The following SMARCC1 variants were observed in gnomAD, a reference collection of about 807,000 sequenced individuals.
The protein encoded by SMARCC1 is SWI/SNF related BAF chromatin remodeling complex subunit C1.
SMARCC1 carries 43 observed loss-of-function variants against 147.4 expected under a neutral mutation model. That is an observed-to-expected ratio of 0.29 (90% CI 0.23 to 0.38). The LOEUF is 0.38. Among genes scored for constraint, SMARCC1 ranks in the 10% least tolerant of loss-of-function variants. The probability of loss-of-function intolerance (pLI) is 1.00; values close to 1 mark genes in which losing one functional copy is unlikely to be tolerated. For missense variants in SMARCC1, 1,119 were observed against 1,381.1 expected (o/e 0.81, Z 3.01); for synonymous variants, 495 against 484.4 (o/e 1.02, Z -0.29).
chr3:47,778,212 A>AAAAAAC lies in SMARCC1; in HGVS notation c.195+3390_195+3391insGTTTTT, dbSNP rs1553693293. On this transcript the variant is annotated intron_variant, in intron 1 of 27. Transcript: ENST00000254480. ...TCTCAAAAAAAAAAAACAAAAAACAAAAAACAAAAAAAACACTGACTCCTA... is the reference window on the plus strand; with the variant it reads ...TCTCAAAAAAAAAAAACAAAAAACAAAAAAACAAAACAAAAAAAACACTGACTCCTA... Among the ~76,000 whole-genome samples the AAAAAAC allele has an allele frequency of 1.6e-3, 200 of 121,290 alleles. 11 individuals carry two copies. The highest frequency in any genetic ancestry group is 2.1e-3 in the Non-Finnish European group (126 of 58,964). The allele number at this position is 121,290 out of a possible 152,430, so 79.6% of individuals were successfully genotyped here.
chr3:47,718,083 G>A (rs552393056), intron 7 of SMARCC1, among the ~76,000 whole-genome samples: 7 of 141,570 alleles, frequency 4.9e-5, no homozygotes, highest in African/African-American at 1.6e-4. Context: ...AGGATCACTT[G>A]AGCTGTCTTC....
At chr3:47,759,262 C>T (rs1312514045) in intron 2 of SMARCC1, among the ~76,000 whole-genome samples, 1 of 151,706 alleles carries the variant, frequency 6.6e-6, no homozygotes, top group Non-Finnish European at 1.5e-5. Flanking sequence ...ATCCACCCAC[C>T]TCAGCCTCCC....
At chr3:47,768,499 A>G (rs1487667966) in intron 2 of SMARCC1, among the ~76,000 whole-genome samples, 1 of 152,202 alleles carries the variant, frequency 6.6e-6, no homozygotes, top group African/African-American at 2.4e-5. Flanking sequence ...AGATTCATAC[A>G]TTCCTAATTA....
chr3:47,681,144 T>G (rs1203080533), intron 14 of SMARCC1, among the ~76,000 whole-genome samples: 2 of 152,078 alleles, frequency 1.3e-5, no homozygotes, highest in Non-Finnish European at 2.9e-5. Context: ...AAGAATTCTT[T>G]GAAAAATGGT....
intron 21 of SMARCC1, among the ~76,000 whole-genome samples, chr3:47,640,485 A>AT (rs1264125157): frequency 6.6e-6 from 1 of 152,136 alleles, no homozygotes; most frequent in Non-Finnish European, 1.5e-5. Flanking sequence ...AAATTTAAAA[A>AT]TTAGATCAAA....
At chr3:47,609,658 CTG>C (rs1652564802) in intron 26 of SMARCC1, among the ~76,000 whole-genome samples, 2 of 152,186 alleles carry the variant, frequency 1.3e-5, no homozygotes, top group Admixed American at 1.3e-4. Context: ...TCTACTTTAT[CTG>C]TGTTTGAAGA....
chr3:47,773,261 G>C (rs2034936752), intron 1 of SMARCC1, among the ~76,000 whole-genome samples: 2 of 151,846 alleles, frequency 1.3e-5, no homozygotes, highest in African/African-American at 4.8e-5. Context: ...CAGAGTAGCT[G>C]GGATTACAGG....
rs559799361 is a variant in SMARCC1 at position 47,688,120 on chromosome 3, C to T, written c.1263+1267G>A. ...ACTAAAAATACAAAAATTAGCTGGG[C>T]GTGGTGGTGCATGCCTGTAATCCCA... On this transcript the variant is annotated intron_variant, in intron 13 of 27. Coordinates refer to ENST00000254480, the MANE Select transcript of SMARCC1 (RefSeq NM_003074.4). 3.9e-5 allele frequency among the ~76,000 whole-genome samples: 6 copies of T among 151,932 alleles called. No individual in the cohort carries two copies. In the East Asian group the frequency reaches 5.8e-4, roughly 15 times the overall value.
intron 21 of SMARCC1, among the ~76,000 whole-genome samples, chr3:47,642,787 T>C (rs2033066274): frequency 6.6e-6 from 1 of 152,100 alleles, no homozygotes; most frequent in Non-Finnish European, 1.5e-5. Flanking sequence ...GGCTCATGCC[T>C]ATAATCCCAG....
At chr3:47,753,125 C>T (rs1205106166) in intron 2 of SMARCC1, among the ~76,000 whole-genome samples, 1 of 152,022 alleles carries the variant, frequency 6.6e-6, no homozygotes, top group Non-Finnish European at 1.5e-5. Flanking sequence ...GGGGGCGGAT[C>T]ACGAGGTGAG....
At position 47,736,371 on chromosome 3, in the gene SMARCC1, G is replaced by A. The variant is rs188360033; in HGVS notation, c.484-245C>T. 3.3e-5 allele frequency among the ~76,000 whole-genome samples: 5 copies of A among 152,140 alleles called. No homozygotes were observed. The East Asian group carries it at 9.7e-4, about 29-fold the overall frequency. On this transcript the variant is annotated intron_variant, in intron 4 of 27. Coordinates refer to ENST00000254480, the MANE Select transcript of SMARCC1 (RefSeq NM_003074.4). Reference sequence around the variant, plus strand: ...AATGTAGTGTTTTTAGCTACGGAAGGGATTACAGTTAATCTTAAAAATAGC... The same window carrying A: ...AATGTAGTGTTTTTAGCTACGGAAGAGATTACAGTTAATCTTAAAAATAGC...
chr3:47,704,187 A>C (rs1478177303), intron 10 of SMARCC1, among the ~76,000 whole-genome samples: 1 of 152,152 alleles, frequency 6.6e-6, no homozygotes, highest in Non-Finnish European at 1.5e-5. Flanking sequence ...CTGCATGATG[A>C]TTTTTTTAAA....
chr3:47,612,456 G>C (rs2032577076), intron 25 of SMARCC1, among the ~76,000 whole-genome samples: 1 of 152,160 alleles, frequency 6.6e-6, no homozygotes, highest in Non-Finnish European at 1.5e-5. Context: ...AACTGCTACT[G>C]GAGGGAGCAG....
chr3:47,772,808 T>G lies in SMARCC1; in HGVS notation c.315+9A>C. The G allele has an allele frequency of 6.2e-7, 1 of 1,609,430 alleles. No homozygotes were observed. The highest frequency in any genetic ancestry group is 1.1e-5 in the South Asian group (1 of 90,630). ...GGATGCCCAAATAACAGTAAGCTGA[T>G]GTACTTACAGGGAGTTTGGTGAAGG... On this transcript the variant is annotated intron_variant, in intron 2 of 27. Transcript: ENST00000254480.
rs775759680 is a variant in SMARCC1 at position 47,671,173 on chromosome 3, C to CAAAAAAAAAAAAAAA, written c.1840-471_1840-457dup. Among the ~76,000 whole-genome samples, 46 of 29,228 alleles carry CAAAAAAAAAAAAAAA rather than the reference C, an allele frequency of 1.6e-3. 4 individuals carry two copies. Among genetic ancestry groups the CAAAAAAAAAAAAAAA allele is most frequent in the African/African-American group, 3.9e-3 (24 of 6,084 alleles). 19.2% of individuals were successfully genotyped at this position (29,228 alleles called of 152,430 possible). A position where few individuals can be genotyped will look rare whatever the true frequency, so the allele number is the denominator to read the frequency against. On this transcript the variant is annotated intron_variant, in intron 18 of 27. Transcript: ENST00000254480. Reference sequence around the variant, plus strand: ...CCTGGGCAACAGAGCGAGACTATCTCAAAAAAAAAAAAAAAAAAAAAAAAA... The same window carrying CAAAAAAAAAAAAAAA: ...CCTGGGCAACAGAGCGAGACTATCTCAAAAAAAAAAAAAAAAAAAAAAAAAAAAAAAAAAAAAAAA...
At chr3:47,746,588 T>TA (rs1419445472) in intron 2 of SMARCC1, among the ~76,000 whole-genome samples, 1 of 152,006 alleles carries the variant, frequency 6.6e-6, no homozygotes, top group Non-Finnish European at 1.5e-5. Context: ...GCCTGGACAA[T>TA]ATAGCAAGAC....
Position 47,661,995 on chromosome 3 carries a change from C to CT in SMARCC1, c.2158+338dup, listed in dbSNP as rs11336122. Among the ~76,000 whole-genome samples, 469 of 142,480 alleles carry CT rather than the reference C, an allele frequency of 3.3e-3. 2 individuals carry two copies. Among genetic ancestry groups the CT allele is most frequent in the Non-Finnish European group, 4.3e-3 (278 of 64,786 alleles). 93.5% of individuals were successfully genotyped at this position (142,480 alleles called of 152,430 possible). ...TGCATTACTTAAAAATTTTGTAATA[C>CT]TTTTTTTTTTTTTTTGAGACGGAGT... On this transcript the variant is annotated intron_variant, in intron 20 of 27. Coordinates refer to ENST00000254480, the MANE Select transcript of SMARCC1 (RefSeq NM_003074.4).
chr3:47,682,598 G>A (rs2033667940), intron 14 of SMARCC1, among the ~76,000 whole-genome samples: 1 of 152,154 alleles, frequency 6.6e-6, no homozygotes, highest in African/African-American at 2.4e-5. Context: ...GGTTTCTCAT[G>A]TGTGTCCTCT....
chr3:47,628,442 C>G (rs1480985789), intron 24 of SMARCC1, among the ~76,000 whole-genome samples: 2 of 152,164 alleles, frequency 1.3e-5, no homozygotes, highest in Admixed American at 6.5e-5. Context: ...AAATTAAGGG[C>G]TTTGTTCTCA....
Sources: gnomAD v4.1 joint callset for allele counts (sites outside exome capture counted in the v4.1 genomes callset) on GRCh38, gnomAD v4.1.1 for gene constraint, MANE v1.5 for transcripts, NCBI Gene and HGNC (gene_info 2026-07-23, HGNC 2026-07-21) for gene names.